Variants in NIPBL observed in about 807,000 individuals in gnomAD.
NIPBL encodes NIPBL cohesin loading factor.
In NIPBL, 19 loss-of-function variants were observed where a neutral mutation model predicts 321.8. That is an observed-to-expected ratio of 0.06 (90% CI 0.04 to 0.09). NIPBL has a LOEUF of 0.09. Ranked by LOEUF, NIPBL falls within the 10% of genes least tolerant of loss-of-function variation. The pLI is 1.00. For synonymous variants in NIPBL, 1,106 were observed against 1,114.1 expected (o/e 0.99, Z 0.14); for missense variants, 2,210 against 3,327.0 (o/e 0.66, Z 8.26).
chr5:36,982,923 C>A (rs896423934), intron 9 of NIPBL, among the ~76,000 whole-genome samples: 1 of 151,768 alleles, frequency 6.6e-6, no homozygotes, highest in Admixed American at 6.6e-5. Flanking sequence ...CATATTTCCT[C>A]AAAAATATAG....
At chr5:36,972,182 G>A (rs888882631) in intron 8 of NIPBL, 141 bp downstream of exon 8, 12 of 632,294 alleles carry the variant, frequency 1.9e-5, no homozygotes, top group Non-Finnish European at 3.4e-5. Context: ...TGTACAAGCA[G>A]GTCTGGATCA....
chr5:36,896,388 A>G (rs1223744991), intron 1 of NIPBL, among the ~76,000 whole-genome samples: 1 of 152,100 alleles, frequency 6.6e-6, no homozygotes, highest in Non-Finnish European at 1.5e-5. Flanking sequence ...TTCTTTTTCA[A>G]GATTGTTTTG....
Position 37,000,825 on chromosome 5 carries a change from A to G in NIPBL, c.3511A>G (p.Lys1171Glu). 1 of 1,610,458 alleles carries G rather than the reference A, an allele frequency of 6.2e-7. No individual in the cohort carries two copies. Among genetic ancestry groups the G allele is most frequent in the Non-Finnish European group, 8.5e-7 (1 of 1,177,140 alleles). Residue 1171 changes from lysine (K) to glutamate (E), a missense_variant, in exon 13 of 47, where the codon AAA becomes GAA. Lys to Glu is a moderately conservative substitution (Grantham distance 56, BLOSUM62 1). Around this residue, in one of 14 missense-constraint regions of NIPBL, gnomAD observed 381 missense variants for 642.3 expected, o/e 0.59. Transcript: ENST00000282516. ...CTTTTTGTTCGTTTTAGTTGCTAGG[A>G]AAATGAAGAAAAAAGAAAAACAGAA... Reference protein sequence around the residue: ...PPPSLSEVARKMKKKEKQKKR... With the variant: ...PPPSLSEVAREMKKKEKQKKR...
chr5:36,971,074 C>A (rs560490374), intron 7 of NIPBL, 38 bp downstream of exon 7: 2 of 1,546,656 alleles, frequency 1.3e-6, no homozygotes, highest in Admixed American at 1.7e-5. Flanking sequence ...TAAAATAGTT[C>A]TAATATTTGT....
intron 6 of NIPBL, among the ~76,000 whole-genome samples, chr5:36,970,222 C>T (rs1206138190): frequency 6.6e-6 from 1 of 151,742 alleles, no homozygotes; most frequent in Non-Finnish European, 1.5e-5. Context: ...GACCCCATCT[C>T]TACCAAAAAA....
intron 1 of NIPBL, among the ~76,000 whole-genome samples, chr5:36,910,357 T>C (rs1417067343): frequency 1.3e-5 from 2 of 151,710 alleles, no homozygotes; most frequent in East Asian, 3.9e-4. Flanking sequence ...CAAAGATATT[T>C]TGAAAAGGAT....
At chr5:37,034,798 A>G (rs1751500382) in intron 32 of NIPBL, among the ~76,000 whole-genome samples, 1 of 152,232 alleles carries the variant, frequency 6.6e-6, no homozygotes, top group Admixed American at 6.5e-5. Flanking sequence ...CAAGATATTA[A>G]AATTATTCGT....
intron 1 of NIPBL, among the ~76,000 whole-genome samples, chr5:36,948,007 C>A (rs1739874361): frequency 6.6e-6 from 1 of 151,808 alleles, no homozygotes; most frequent in Non-Finnish European, 1.5e-5. Flanking sequence ...CTTTGCCATT[C>A]TTCTTTATTT....
At chr5:36,925,170 G>A (rs1580245437) in intron 1 of NIPBL, among the ~76,000 whole-genome samples, 1 of 151,908 alleles carries the variant, frequency 6.6e-6, no homozygotes, top group Non-Finnish European at 1.5e-5. Flanking sequence ...TCTATTAATA[G>A]CATTGATAGT....
chr5:36,966,923 T>G (rs1194470284), intron 6 of NIPBL, among the ~76,000 whole-genome samples: 8 of 151,994 alleles, frequency 5.3e-5, no homozygotes, highest in Admixed American at 3.9e-4. Context: ...AGGCATTATT[T>G]CTAAGCAGAC....
chr5:37,023,227 T>A (rs1297382733), intron 29 of NIPBL, among the ~76,000 whole-genome samples: 1 of 152,220 alleles, frequency 6.6e-6, no homozygotes, highest in Non-Finnish European at 1.5e-5. Flanking sequence ...TTTTTTTCCT[T>A]CTTAGGGCTT....
chr5:37,010,451 G>A (rs898551854), intron 21 of NIPBL, among the ~76,000 whole-genome samples: 7 of 152,234 alleles, frequency 4.6e-5, no homozygotes, highest in Non-Finnish European at 8.8e-5. Context: ...GAGTAGCTGG[G>A]ATTACAGGCA....
chr5:36,885,930 A>G, intron 1 of NIPBL: 2 of 736,310 alleles, frequency 2.7e-6, no homozygotes, highest in Admixed American at 1.7e-5. Flanking sequence ...CCCAAATCTC[A>G]GGACCTCGCC....
chr5:36,896,134 C>A (rs1746716818), intron 1 of NIPBL, among the ~76,000 whole-genome samples: 1 of 152,182 alleles, frequency 6.6e-6, no homozygotes, highest in Non-Finnish European at 1.5e-5. Flanking sequence ...GATCCAACTT[C>A]ATTATTATGT....
chr5:36,934,750 A>G (rs1750029834), intron 1 of NIPBL, among the ~76,000 whole-genome samples: 1 of 151,726 alleles, frequency 6.6e-6, no homozygotes, highest in South Asian at 2.1e-4. Context: ...TAATGAAGCT[A>G]TGAAGAACTT....
chr5:37,043,802 T>G (rs1415086860), intron 34 of NIPBL, among the ~76,000 whole-genome samples: 1 of 152,218 alleles, frequency 6.6e-6, no homozygotes, highest in Non-Finnish European at 1.5e-5. Flanking sequence ...TTGACAGGAC[T>G]AGATGATTCT....
chr5:37,020,933 C>T, intron 27 of NIPBL, 56 bp downstream of exon 27: 1 of 1,127,358 alleles, frequency 8.9e-7, no homozygotes, highest in Non-Finnish European at 1.4e-6. Context: ...ATTCTGGATG[C>T]TTGTGAGCAG....
intron 1 of NIPBL, among the ~76,000 whole-genome samples, chr5:36,890,825 C>T (rs1256088242): frequency 6.6e-6 from 1 of 152,144 alleles, no homozygotes; most frequent in Non-Finnish European, 1.5e-5. Flanking sequence ...AGGTAAGACC[C>T]ATTACTTAGT....
intron 1 of NIPBL, among the ~76,000 whole-genome samples, chr5:36,945,463 A>ACC (rs1296394627): frequency 6.6e-6 from 1 of 152,142 alleles, no homozygotes; most frequent in Admixed American, 6.5e-5. Context: ...ACTTAGTGGT[A>ACC]ACTTTTCTTT....
Sources: allele counts gnomAD v4.1 joint callset (sites outside exome capture counted in the v4.1 genomes callset), GRCh38; gene constraint gnomAD v4.1.1; regional missense constraint gnomAD v4.1.1; transcripts MANE v1.5; gene names NCBI Gene and HGNC (gene_info 2026-07-23, HGNC 2026-07-21).